The following ALK variants were observed in gnomAD, a reference collection of about 807,000 sequenced individuals.
The protein encoded by ALK is ALK receptor tyrosine kinase.
Under a neutral mutation model 163.1 loss-of-function variants are expected in ALK, and 74 were observed. The observed-to-expected ratio is 0.45, with a 90% confidence interval of 0.38 to 0.55. The LOEUF is 0.55. ALK is among the 20% of genes least tolerant of loss of function. The probability of loss-of-function intolerance (pLI) is 0.00; values close to 1 mark genes in which losing one functional copy is unlikely to be tolerated. For missense variants in ALK, 2,063 were observed against 2,105.3 expected (o/e 0.98, Z 0.39); for synonymous variants, 960 against 843.2 (o/e 1.14, Z -2.40).
At chr2:29,649,972 G>A (rs1676994396) in intron 3 of ALK, among the ~76,000 whole-genome samples, 1 of 152,080 alleles carries the variant, frequency 6.6e-6, no homozygotes, top group Non-Finnish European at 1.5e-5. Flanking sequence ...TCTATGCAGA[G>A]GACAGAGACC....
At chr2:29,623,570 TG>T (rs1345098249) in intron 3 of ALK, among the ~76,000 whole-genome samples, 3 of 152,228 alleles carry the variant, frequency 2.0e-5, no homozygotes, top group Admixed American at 2.0e-4. Context: ...TTCTAGATGA[TG>T]GGGGTAGAAG....
intron 1 of ALK, among the ~76,000 whole-genome samples, chr2:29,753,131 A>C (rs1019342253): frequency 1.3e-5 from 2 of 152,228 alleles, no homozygotes; most frequent in African/African-American, 2.4e-5. Flanking sequence ...TAGGTGGGGA[A>C]CTTCAGAATG....
intron 4 of ALK, among the ~76,000 whole-genome samples, chr2:29,432,369 C>G (rs944116477): frequency 6.6e-6 from 1 of 152,106 alleles, no homozygotes; most frequent in Non-Finnish European, 1.5e-5. Flanking sequence ...CCATGTGATA[C>G]GCAGGCTCCC....
intron 11 of ALK, among the ~76,000 whole-genome samples, chr2:29,269,294 C>T (rs1209650984): frequency 1.3e-5 from 2 of 152,190 alleles, no homozygotes; most frequent in African/African-American, 2.4e-5. Flanking sequence ...TCCAGTTCCA[C>T]CCTGTCACCG....
At chr2:29,778,909 A>T (rs1681255356) in intron 1 of ALK, among the ~76,000 whole-genome samples, 1 of 151,994 alleles carries the variant, frequency 6.6e-6, no homozygotes, top group African/African-American at 2.4e-5. Flanking sequence ...TAATCCCAGC[A>T]CTTTGGGAGG....
intron 1 of ALK, among the ~76,000 whole-genome samples, chr2:29,905,191 C>G (rs1255986744): frequency 6.6e-6 from 1 of 152,198 alleles, no homozygotes; most frequent in Non-Finnish European, 1.5e-5. Context: ...TCATTTACCA[C>G]TTCTACTCTA....
At chr2:29,761,762 G>C (rs1680709175) in intron 1 of ALK, among the ~76,000 whole-genome samples, 2 of 152,206 alleles carry the variant, frequency 1.3e-5, no homozygotes, top group South Asian at 2.1e-4. Flanking sequence ...CTGTGAACAA[G>C]AGTCACCTCC....
rs1666682650 is a variant in ALK, at chr2:29,311,133, G to GT, written c.1647+7170_1647+7171insA. Among the ~76,000 whole-genome samples the GT allele has an allele frequency of 3.3e-5, 5 of 152,330 alleles. No homozygotes were observed. The South Asian group carries it at 1.0e-3, about 32-fold the overall frequency. ...CACCAGCAGTGTTAGCAGCTGCCAG[G>GT]GCTCAGCCCTCCTGAGGTTTCAGCA... On this transcript the variant is annotated intron_variant, in intron 8 of 28. Transcript: ENST00000389048.
intron 1 of ALK, among the ~76,000 whole-genome samples, chr2:29,862,824 G>A (rs1211015025): frequency 9.6e-5 from 14 of 145,984 alleles, no homozygotes; most frequent in Non-Finnish European, 9.0e-5. Flanking sequence ...GCAATCTTGA[G>A]AAAAAAAAAA....
chr2:29,285,221 G>A (rs950777605), intron 9 of ALK, among the ~76,000 whole-genome samples: 6 of 151,790 alleles, frequency 4.0e-5, no homozygotes, highest in South Asian at 2.1e-4. Flanking sequence ...TGTGCTTCCC[G>A]CCCTCCAGCC....
chr2:29,645,828 C>T (rs1676856943), intron 3 of ALK, among the ~76,000 whole-genome samples: 1 of 152,112 alleles, frequency 6.6e-6, no homozygotes, highest in Non-Finnish European at 1.5e-5. Flanking sequence ...GGTTTTCCTC[C>T]TACCTCATCA....
chr2:29,374,027 T>A (rs999637868), intron 5 of ALK, among the ~76,000 whole-genome samples: 2 of 152,164 alleles, frequency 1.3e-5, no homozygotes, highest in African/African-American at 4.8e-5. Flanking sequence ...AAGAGGTAAA[T>A]TTTCCCTTTG....
intron 1 of ALK, among the ~76,000 whole-genome samples, chr2:29,881,813 C>T (rs1325496363): frequency 6.6e-6 from 1 of 152,120 alleles, no homozygotes. Context: ...GAATTATTTT[C>T]TCATTATTAC....
At chr2:29,241,929 A>G (rs1355214296) in intron 12 of ALK, among the ~76,000 whole-genome samples, 2 of 152,066 alleles carry the variant, frequency 1.3e-5, no homozygotes, top group African/African-American at 4.8e-5. Context: ...CTTAGAGGTC[A>G]TTTCCTCCCC....
chr2:29,831,070 GGGA>G (rs751792416), intron 1 of ALK, among the ~76,000 whole-genome samples: 2,205 of 23,522 alleles, frequency 0.094, 310 homozygotes, highest in East Asian at 0.32. Context: ...GGGGAGGAAG[GGGA>G]GGAGGAGGAG....
intron 1 of ALK, among the ~76,000 whole-genome samples, chr2:29,768,674 T>C (rs1488670596): frequency 1.3e-5 from 2 of 151,630 alleles, no homozygotes; most frequent in African/African-American, 4.8e-5. Flanking sequence ...AGAGGAGGTA[T>C]AGTTTAACAA....
intron 3 of ALK, among the ~76,000 whole-genome samples, chr2:29,616,198 A>T (rs562868474): frequency 3.5e-4 from 53 of 151,662 alleles, no homozygotes; most frequent in African/African-American, 1.3e-3. Flanking sequence ...CCTGCTTGGA[A>T]CCCCCAGGAG....
chr2:29,458,349 C>G (rs774815583), intron 4 of ALK, among the ~76,000 whole-genome samples: 7 of 152,146 alleles, frequency 4.6e-5, no homozygotes, highest in Non-Finnish European at 7.4e-5. Context: ...GGGGACTTAG[C>G]TTCAGAGACG....
intron 3 of ALK, among the ~76,000 whole-genome samples, chr2:29,652,771 T>C (rs74501786): frequency 0.017 from 2,530 of 152,240 alleles, 68 homozygotes; most frequent in African/African-American, 0.056. Flanking sequence ...TGTGGGTAGC[T>C]GAACATCTGG....
Sources: gnomAD v4.1 joint callset for allele counts (sites outside exome capture counted in the v4.1 genomes callset) on GRCh38, gnomAD v4.1.1 for gene constraint, MANE v1.5 for transcripts, NCBI Gene and HGNC (gene_info 2026-07-23, HGNC 2026-07-21) for gene names.